The following PTPRT variants were observed in gnomAD, a reference collection of about 807,000 sequenced individuals.
The protein encoded by PTPRT is receptor-type tyrosine-protein phosphatase T.
PTPRT carries 56 observed loss-of-function variants against 176.8 expected under a neutral mutation model. The ratio of observed to expected loss-of-function variants is 0.32; its 90% confidence interval spans 0.26 to 0.40. The LOEUF (loss-of-function observed/expected upper bound fraction) is 0.40, where lower values mean the gene tolerates loss of function less well. Among genes scored for constraint, PTPRT ranks in the 10% least tolerant of loss-of-function variants. The pLI is 1.00. For synonymous variants in PTPRT, 783 were observed against 739.0 expected (o/e 1.06, Z -0.96); for missense variants, 1,540 against 1,908.2 (o/e 0.81, Z 3.60).
At chr20:43,043,221 G>A (rs891597331) in intron 1 of PTPRT, among the ~76,000 whole-genome samples, 19 of 152,132 alleles carry the variant, frequency 1.2e-4, no homozygotes, top group Admixed American at 1.1e-3. Flanking sequence ...GGGTGTGAGA[G>A]GCTAGCAAAC....
chr20:42,340,937 G>A (rs1338257184), intron 11 of PTPRT, among the ~76,000 whole-genome samples: 1 of 151,988 alleles, frequency 6.6e-6, no homozygotes, highest in Non-Finnish European at 1.5e-5. Flanking sequence ...AGGGTTGGAG[G>A]GTTTGTATTA....
At chr20:42,057,108 G>A in the PTPRT span, among the ~76,000 whole-genome samples, 1 of 152,128 alleles carries the variant, frequency 6.6e-6, no homozygotes, top group Non-Finnish European at 1.5e-5. Flanking sequence ...TCTGCCTCCC[G>A]CACATCATGA....
intron 13 of PTPRT, among the ~76,000 whole-genome samples, chr20:42,255,765 A>G (rs1384306003): frequency 2.0e-5 from 3 of 152,210 alleles, no homozygotes; most frequent in African/African-American, 7.2e-5. Context: ...GTCACAGATA[A>G]AGAACATTTA....
chr20:42,178,040 C>T (rs764589199), intron 16 of PTPRT, among the ~76,000 whole-genome samples: 28 of 151,984 alleles, frequency 1.8e-4, no homozygotes, highest in Non-Finnish European at 3.2e-4. Flanking sequence ...TGGGTTCAAG[C>T]GACTCTCCTG....
At chr20:42,351,385 T>C (rs1405797212) in intron 10 of PTPRT, among the ~76,000 whole-genome samples, 1 of 152,212 alleles carries the variant, frequency 6.6e-6, no homozygotes, top group Non-Finnish European at 1.5e-5. Flanking sequence ...CAGGGGAATG[T>C]ATAATTAAAT....
At chr20:42,890,870 T>G (rs1224616690) in intron 1 of PTPRT, among the ~76,000 whole-genome samples, 1 of 152,128 alleles carries the variant, frequency 6.6e-6, no homozygotes, top group Non-Finnish European at 1.5e-5. Flanking sequence ...TGGTGGGAGA[T>G]AATTGAATCA....
Position 42,457,573 on chromosome 20 carries a change from T to C in PTPRT, c.1451-9244A>G, listed in dbSNP as rs147985622. Among the ~76,000 whole-genome samples the C allele has an allele frequency of 5.3e-4, 81 of 152,308 alleles. 2 individuals carry two copies. The East Asian group carries it at 0.014, about 27-fold the overall frequency. On this transcript the variant is annotated intron_variant, in intron 8 of 30. Coordinates refer to ENST00000373187, the MANE Select transcript of PTPRT (RefSeq NM_007050.6). ...GGTCTGGTTTAATGGGTCATTCTGCTAGTTACCATGTAAGTCCTTATTTTA... is the reference window on the plus strand; with the variant it reads ...GGTCTGGTTTAATGGGTCATTCTGCCAGTTACCATGTAAGTCCTTATTTTA...
At chr20:42,071,362 G>A (rs1600439400), downstream of PTPRT, among the ~76,000 whole-genome samples, 2 of 152,180 alleles carry the variant, frequency 1.3e-5, no homozygotes, top group Non-Finnish European at 2.9e-5. Context: ...CCCAGTTTGA[G>A]TACTGGTTTG....
intron 22 of PTPRT, among the ~76,000 whole-genome samples, chr20:42,113,185 G>C (rs1192237911): frequency 3.3e-5 from 5 of 152,158 alleles, no homozygotes; most frequent in Admixed American, 2.0e-4. Context: ...GGTCTTTTAA[G>C]GGCATCTCCC....
At chr20:42,851,577 T>C (rs2078471537) in intron 2 of PTPRT, among the ~76,000 whole-genome samples, 1 of 152,194 alleles carries the variant, frequency 6.6e-6, no homozygotes, top group South Asian at 2.1e-4. Flanking sequence ...ATAAGATGTT[T>C]CCTGTTTATT....
At chr20:42,972,352 G>T (rs962027591) in intron 1 of PTPRT, among the ~76,000 whole-genome samples, 2 of 151,430 alleles carry the variant, frequency 1.3e-5, no homozygotes, top group Middle Eastern at 3.2e-3. Flanking sequence ...GTGATGTGGG[G>T]CTCTACAAGT....
Position 42,166,470 on chromosome 20 carries a change from T to G in PTPRT, c.2492-4928A>C, listed in dbSNP as rs148606344. Among the ~76,000 whole-genome samples, 6 of 152,334 alleles carry G rather than the reference T, an allele frequency of 3.9e-5. No homozygotes were observed. The East Asian group carries it at 1.2e-3, about 29-fold the overall frequency. ...TGGCTACTGTATTGAACAATGCAGA[T>G]CTACACAATTACATCTTCAAAACTT... On this transcript the variant is annotated intron_variant, in intron 16 of 30. Transcript: ENST00000373187.
chr20:42,632,300 G>A (rs1461784542), intron 7 of PTPRT, among the ~76,000 whole-genome samples: 1 of 152,130 alleles, frequency 6.6e-6, no homozygotes. Context: ...GTGCAGTGGT[G>A]CGATCTTGGC....
intron 1 of PTPRT, among the ~76,000 whole-genome samples, chr20:43,155,918 T>C (rs757931297): frequency 3.3e-5 from 5 of 152,192 alleles, no homozygotes; most frequent in Non-Finnish European, 7.4e-5. Context: ...CTTCCACATA[T>C]GTGAAGGGAG....
At chr20:43,089,835 T>G (rs1385598785) in intron 1 of PTPRT, among the ~76,000 whole-genome samples, 3 of 152,154 alleles carry the variant, frequency 2.0e-5, no homozygotes, top group African/African-American at 7.2e-5. Context: ...TTTCCCAGGC[T>G]GAAACAGGAA....
At chr20:42,274,558 T>A (rs1037617661) in intron 13 of PTPRT, among the ~76,000 whole-genome samples, 1 of 133,406 alleles carries the variant, frequency 7.5e-6, no homozygotes, top group Non-Finnish European at 1.6e-5. Context: ...TGTGTGTGTG[T>A]GTGTGTGTGT....
intron 7 of PTPRT, among the ~76,000 whole-genome samples, chr20:42,649,588 A>T (rs1441293580): frequency 1.3e-5 from 2 of 152,134 alleles, no homozygotes; most frequent in African/African-American, 4.8e-5. Flanking sequence ...CATCTCTATA[A>T]ACGTATCCAT....
chr20:42,727,854 C>T (rs552816736), intron 6 of PTPRT, among the ~76,000 whole-genome samples: 3 of 152,262 alleles, frequency 2.0e-5, no homozygotes, highest in African/African-American at 4.8e-5. Context: ...TCAGACCCTC[C>T]TGATCTGGCT....
At chr20:42,567,274 C>G (rs1438763706) in intron 7 of PTPRT, among the ~76,000 whole-genome samples, 1 of 141,678 alleles carries the variant, frequency 7.1e-6, no homozygotes, top group African/African-American at 2.8e-5. Context: ...AACTCCATCT[C>G]AAACAAAAAA....
Sources: allele counts gnomAD v4.1 joint callset (sites outside exome capture counted in the v4.1 genomes callset), GRCh38; gene constraint gnomAD v4.1.1; transcripts MANE v1.5; gene names NCBI Gene and HGNC (gene_info 2026-07-23, HGNC 2026-07-21).